Variants in AGBL1 observed in about 807,000 individuals in gnomAD.
AGBL1 encodes AGBL carboxypeptidase 1.
Under a neutral mutation model 118.9 loss-of-function variants are expected in AGBL1, and 130 were observed. The ratio of observed to expected loss-of-function variants is 1.09; its 90% CI spans 0.95 to 1.26. AGBL1 has a LOEUF of 1.26. AGBL1 is among the 50% of genes most tolerant of loss of function. AGBL1 has a pLI of 0.00. For missense variants in AGBL1, 1,584 were observed against 1,298.1 expected, an observed-to-expected ratio of 1.22 and a Z score of -3.38; for synonymous variants, 555 against 478.9, an observed-to-expected ratio of 1.16 and a Z score of -2.08.
chr15:86,516,091 T>C (rs1322640180), intron 18 of AGBL1, among the ~76,000 whole-genome samples: 1 of 152,162 alleles, frequency 6.6e-6, no homozygotes, highest in African/African-American at 2.4e-5. Context: ...AATACACAAG[T>C]TCCATGTGAG....
In AGBL1 at chr15:86,247,800, G is replaced by A; in HGVS notation, c.656G>A (p.Arg219Lys). 1.2e-6 allele frequency: 2 copies of A among 1,613,988 alleles called. No individual in the cohort carries two copies. The highest frequency in any genetic ancestry group is 1.1e-5 in the South Asian group (1 of 91,080). The part of the protein sequence containing the change: ...QIRRGLLLCL[R>K]HIAALRSGRE... The stretch of plus-strand genomic sequence containing the variant: ...CGACGGGGCTTGCTGCTCTGCCTCA[G>A]GCACATTGCTGCCCTCCGGTCCGGC... The change falls in exon 7 of 23, where the codon AGG becomes AAG. Residue 219 changes from arginine (R) to lysine (K), a missense_variant. By Grantham distance (26) the Arg-to-Lys change is conservative (BLOSUM62 2). Transcript: ENST00000614907.
At chr15:86,121,827 C>T (rs970386550) in intron 1 of AGBL1, among the ~76,000 whole-genome samples, 31 of 152,168 alleles carry the variant, frequency 2.0e-4, no homozygotes, top group African/African-American at 6.5e-4. Flanking sequence ...GATGAATTTT[C>T]GTTCCACAGT....
At chr15:86,969,720 A>C (rs918189494) in intron 23 of AGBL1, among the ~76,000 whole-genome samples, 3 of 152,010 alleles carry the variant, frequency 2.0e-5, no homozygotes, top group Non-Finnish European at 4.4e-5. Context: ...TTGAATTTGC[A>C]TAGATTTCTG....
At chr15:86,388,895 A>G (rs574966805) in intron 17 of AGBL1, among the ~76,000 whole-genome samples, 2 of 152,338 alleles carry the variant, frequency 1.3e-5, no homozygotes, top group African/African-American at 4.8e-5. Flanking sequence ...TAAAAATGCC[A>G]TGAATGTGTT....
chr15:86,235,530 A>G (rs1308865702), intron 6 of AGBL1, among the ~76,000 whole-genome samples: 3 of 152,230 alleles, frequency 2.0e-5, no homozygotes, highest in African/African-American at 7.2e-5. Flanking sequence ...AGATAGAGAA[A>G]AATATAAACA....
At chr15:86,083,224 GCT>G (rs1895408555) in intron 1 of AGBL1, 2 of 152,200 alleles carry the variant, frequency 1.3e-5, no homozygotes, top group Middle Eastern at 3.4e-3. Context: ...CATTTGTCCT[GCT>G]CTCGTCTCTC....
intron 5 of AGBL1, among the ~76,000 whole-genome samples, chr15:86,210,668 G>A (rs919954735): frequency 2.0e-5 from 3 of 152,116 alleles, no homozygotes; most frequent in Non-Finnish European, 4.4e-5. Flanking sequence ...GCTCCATCAG[G>A]TCATTTGAGG....
chr15:86,444,783 C>T (rs556072772), intron 18 of AGBL1, among the ~76,000 whole-genome samples: 1 of 152,220 alleles, frequency 6.6e-6, no homozygotes, highest in South Asian at 2.1e-4. Context: ...GACAAGGGGC[C>T]ACCCACTCCC....
chr15:86,510,127 A>G (rs941936398), intron 18 of AGBL1, among the ~76,000 whole-genome samples: 4 of 152,216 alleles, frequency 2.6e-5, no homozygotes, highest in African/African-American at 7.2e-5. Context: ...CTAGCTATTT[A>G]AAGACCCAAT....
chr15:86,763,236 C>G (rs767674754), intron 22 of AGBL1, among the ~76,000 whole-genome samples: 11 of 151,970 alleles, frequency 7.2e-5, no homozygotes, highest in Non-Finnish European at 1.3e-4. Flanking sequence ...TGCACATGGA[C>G]ACTCAGAAGA....
chr15:86,101,433 G>A (rs975473852), intron 1 of AGBL1, among the ~76,000 whole-genome samples: 10 of 151,520 alleles, frequency 6.6e-5, no homozygotes, highest in African/African-American at 2.2e-4. Flanking sequence ...TTAATTTTCT[G>A]TCTTGATGAT....
At chr15:86,871,678 A>T (rs1237419429) in intron 22 of AGBL1, among the ~76,000 whole-genome samples, 1 of 151,964 alleles carries the variant, frequency 6.6e-6, no homozygotes. Context: ...TCAGGTTTTT[A>T]TTCTGGTATT....
At chr15:86,743,856 C>G (rs973752643) in intron 22 of AGBL1, among the ~76,000 whole-genome samples, 1 of 151,822 alleles carries the variant, frequency 6.6e-6, no homozygotes, top group African/African-American at 2.4e-5. Flanking sequence ...TGTATCTGAT[C>G]ACACACCCCC....
chr15:86,650,094 A>G (rs1362123696), intron 21 of AGBL1, among the ~76,000 whole-genome samples: 1 of 152,218 alleles, frequency 6.6e-6, no homozygotes, highest in Non-Finnish European at 1.5e-5. Context: ...CAGCATATAT[A>G]TCTAGTTCTT....
At chr15:86,311,822 C>CG (rs368619138) in intron 17 of AGBL1, among the ~76,000 whole-genome samples, 16 of 152,238 alleles carry the variant, frequency 1.1e-4, no homozygotes, top group African/African-American at 3.9e-4. Flanking sequence ...CCTTCAGCTG[C>CG]GGAAGGAGCT....
At chr15:86,348,834 G>T (rs1304376569) in intron 17 of AGBL1, among the ~76,000 whole-genome samples, 1 of 150,772 alleles carries the variant, frequency 6.6e-6, no homozygotes, top group African/African-American at 2.4e-5. Flanking sequence ...TTAAGGCCAG[G>T]TATCTTGAGT....
intron 5 of AGBL1, among the ~76,000 whole-genome samples, chr15:86,180,561 C>A (rs1040357500): frequency 6.6e-6 from 1 of 152,088 alleles, no homozygotes; most frequent in Non-Finnish European, 1.5e-5. Flanking sequence ...CAACCTACAG[C>A]TATAACATTT....
intron 22 of AGBL1, among the ~76,000 whole-genome samples, chr15:86,880,371 A>C (rs567247982): frequency 8.5e-5 from 13 of 152,314 alleles, no homozygotes; most frequent in African/African-American, 3.1e-4. Context: ...ATCAGGATTA[A>C]AGGGGAAACA....
intron 23 of AGBL1, among the ~76,000 whole-genome samples, chr15:86,987,551 CT>C (rs1246886060): frequency 1.3e-5 from 2 of 152,080 alleles, no homozygotes; most frequent in African/African-American, 4.8e-5. Flanking sequence ...TGAAATTTGG[CT>C]GTTTTTAATT....
Sources: allele counts gnomAD v4.1 joint callset (sites outside exome capture counted in the v4.1 genomes callset), GRCh38; gene constraint gnomAD v4.1.1; transcripts MANE v1.5; gene names NCBI Gene and HGNC (gene_info 2026-07-23, HGNC 2026-07-21).